Variants in NPAS3 observed in about 807,000 individuals in gnomAD.
NPAS3 encodes the protein neuronal PAS domain protein 3.
A neutral mutation model predicts 73.1 loss-of-function variants in NPAS3; 14 were observed. That is an observed-to-expected ratio of 0.19 (90% confidence interval 0.13 to 0.30). The LOEUF is 0.30. Ranked by LOEUF, NPAS3 falls within the 10% of genes least tolerant of loss-of-function variation. The pLI, the probability that NPAS3 is intolerant of heterozygous loss-of-function variation, is 1.00. For missense variants in NPAS3, 1,096 were observed against 1,250.0 expected, an observed-to-expected ratio of 0.88 and a Z score of 1.86; for synonymous variants, 620 against 541.5, an observed-to-expected ratio of 1.14 and a Z score of -2.01.
chr14:33,582,193 G>GTAT (rs2056692345), intron 5 of NPAS3: 1 of 152,252 alleles, frequency 6.6e-6, no homozygotes, highest in East Asian at 1.9e-4. Flanking sequence ...TCATAGCATG[G>GTAT]TATTAGATCA....
At chr14:33,037,481 CAA>C (rs11341910) in intron 1 of NPAS3, among the ~76,000 whole-genome samples, 27 of 96,898 alleles carry the variant, frequency 2.8e-4, no homozygotes, top group Admixed American at 2.2e-4. Flanking sequence ...CCCATCTCAG[CAA>C]AAAAAAAAAA....
chr14:33,177,358 A>G (rs1256531383), intron 2 of NPAS3, among the ~76,000 whole-genome samples: 2 of 151,930 alleles, frequency 1.3e-5, no homozygotes, highest in African/African-American at 4.8e-5. Flanking sequence ...GGCCTCCCAA[A>G]GAGCTGGGTA....
In NPAS3 at chr14:33,800,437, C is replaced by T. The variant is rs1396828453; in HGVS notation, c.2130C>T (p.Ala710=). Residue 710 remains alanine, a synonymous_variant, in exon 12 of 12, where the codon GCC becomes GCT. Transcript: ENST00000356141. This position sits in a 1 kb window ranked among gnomAD's most constrained non-coding sequence, Gnocchi z 6.5. ...GCGGTGGCGGGGGGCTGCACGTGGC[C>T]ATTCCCGACTCGGTCCTCACCCCGC... The T allele has an allele frequency of 2.5e-6, 4 of 1,580,092 alleles. No individual in the cohort carries two copies. The highest frequency in any genetic ancestry group is 1.7e-6 in the Non-Finnish European group (2 of 1,167,530).
At chr14:32,950,737 A>G (rs1198741863) in intron 1 of NPAS3, among the ~76,000 whole-genome samples, 1 of 152,136 alleles carries the variant, frequency 6.6e-6, no homozygotes, top group African/African-American at 2.4e-5. Context: ...GAAACAAATG[A>G]TTGAGACATA....
intron 4 of NPAS3, among the ~76,000 whole-genome samples, chr14:33,374,252 T>C (rs1280018652): frequency 1.3e-5 from 2 of 152,284 alleles, no homozygotes; most frequent in East Asian, 3.9e-4. Flanking sequence ...GGTAGAATTA[T>C]GCCTCAAATA....
chr14:33,571,501 G>T (rs904468951), intron 5 of NPAS3, among the ~76,000 whole-genome samples: 1 of 152,172 alleles, frequency 6.6e-6, no homozygotes, highest in Non-Finnish European at 1.5e-5. Flanking sequence ...GGCACATCTA[G>T]CATATCTACT....
At chr14:33,118,401 A>C (rs1417586265) in intron 2 of NPAS3, among the ~76,000 whole-genome samples, 1 of 152,116 alleles carries the variant, frequency 6.6e-6, no homozygotes, top group Non-Finnish European at 1.5e-5. Flanking sequence ...ATTCTCCTTC[A>C]GGAAGAACTA....
At position 33,157,619 on chromosome 14, in the gene NPAS3, T is replaced by C. The variant is rs556894269; in HGVS notation, c.141-57563T>C. On this transcript the variant is annotated intron_variant, in intron 2 of 11. Coordinates refer to ENST00000356141, the Ensembl canonical transcript of NPAS3. ...GAAAGAGAAAAAAAATTAGAGCTTGTAAAAACCTGTGGTTCAGGTGATCCA... is the reference window on the plus strand; with the variant it reads ...GAAAGAGAAAAAAAATTAGAGCTTGCAAAAACCTGTGGTTCAGGTGATCCA... Among the ~76,000 whole-genome samples, 5 of 152,352 alleles carry C rather than the reference T, an allele frequency of 3.3e-5. No homozygotes were observed. The South Asian group carries it at 1.0e-3, about 32-fold the overall frequency.
At chr14:33,383,088 TAAAAAAAAA>T (rs34877774) in intron 4 of NPAS3, among the ~76,000 whole-genome samples, 11 of 104,278 alleles carry the variant, frequency 1.1e-4, no homozygotes, top group Admixed American at 5.2e-4. Context: ...GACCCTGTCT[TAAAAAAAAA>T]AAAAAAAAAA....
intron 7 of NPAS3, among the ~76,000 whole-genome samples, chr14:33,751,723 C>A (rs1470048720): frequency 1.3e-5 from 2 of 152,114 alleles, no homozygotes; most frequent in African/African-American, 4.8e-5. Flanking sequence ...TTTATTTGTT[C>A]TTCAACTCAC....
chr14:33,138,449 T>C (rs1223414462), intron 2 of NPAS3, among the ~76,000 whole-genome samples: 2 of 152,148 alleles, frequency 1.3e-5, no homozygotes, highest in African/African-American at 4.8e-5. Flanking sequence ...ATTGGTTTAA[T>C]TCTTCTTTGA....
At chr14:33,185,761 G>T (rs952174515) in intron 2 of NPAS3, among the ~76,000 whole-genome samples, 6 of 152,126 alleles carry the variant, frequency 3.9e-5, no homozygotes, top group Admixed American at 1.3e-4. Context: ...AGCCACTCGG[G>T]AACTGAAGAT....
intron 4 of NPAS3, among the ~76,000 whole-genome samples, chr14:33,435,066 G>C: frequency 6.6e-6 from 1 of 152,188 alleles, no homozygotes; most frequent in Non-Finnish European, 1.5e-5. Context: ...TAGTCTCTCA[G>C]ACTTCTGCAA....
chr14:33,739,206 C>A (rs2061597082), intron 7 of NPAS3, among the ~76,000 whole-genome samples: 2 of 152,166 alleles, frequency 1.3e-5, no homozygotes, highest in Admixed American at 1.3e-4. Context: ...ACTGGAGTTC[C>A]TGCTATGACA....
rs1188357510 is a variant in NPAS3 at position 33,259,826 on chromosome 14, T to G, written c.385+44400T>G. 3.3e-5 allele frequency among the ~76,000 whole-genome samples: 5 copies of G among 150,470 alleles called. No homozygotes were observed. The East Asian group carries it at 9.7e-4, about 29-fold the overall frequency. On this transcript the variant is annotated intron_variant, in intron 3 of 11. Transcript: ENST00000356141. Reference sequence around the variant, plus strand: ...CCACAACTATGTGTTTATTTTAAAATATGAAAATAAATAATAAGCAGCAGC... The same window carrying G: ...CCACAACTATGTGTTTATTTTAAAAGATGAAAATAAATAATAAGCAGCAGC...
At chr14:33,664,929 C>A (rs1028166477) in intron 5 of NPAS3, among the ~76,000 whole-genome samples, 70 of 152,286 alleles carry the variant, frequency 4.6e-4, no homozygotes, top group African/African-American at 1.6e-3. Context: ...CTCGTTCAAC[C>A]ATTGTGGAAG....
chr14:33,176,587 C>A (rs374496180), intron 2 of NPAS3, among the ~76,000 whole-genome samples: 2 of 152,270 alleles, frequency 1.3e-5, no homozygotes, highest in South Asian at 2.1e-4. Flanking sequence ...TTCTACTGTA[C>A]GTAAATGCCA....
intron 7 of NPAS3, among the ~76,000 whole-genome samples, chr14:33,758,913 T>C (rs1318538054): frequency 6.6e-6 from 1 of 152,260 alleles, no homozygotes; most frequent in Non-Finnish European, 1.5e-5. Flanking sequence ...AAAAGAAAAT[T>C]AATTTCTCTG....
chr14:32,956,786 C>T (rs1000842874), intron 1 of NPAS3, among the ~76,000 whole-genome samples: 9 of 152,102 alleles, frequency 5.9e-5, no homozygotes, highest in Non-Finnish European at 8.8e-5. Context: ...TTTCCAAAAC[C>T]CAAATCACTT....
Sources: gnomAD v4.1 joint callset for allele counts (sites outside exome capture counted in the v4.1 genomes callset) on GRCh38, gnomAD v4.1.1 for gene constraint, Gnocchi (gnomAD v3.1) non-coding constraint, MANE v1.5 for transcripts, NCBI Gene and HGNC (gene_info 2026-07-23, HGNC 2026-07-21) for gene names.